Variants in CACNA1D observed in about 807,000 individuals in gnomAD.
The protein encoded by CACNA1D is voltage-dependent L-type calcium channel subunit alpha-1D.
A neutral mutation model predicts 257.1 loss-of-function variants in CACNA1D; 55 were observed. The ratio of observed to expected loss-of-function variants is 0.21; its 90% confidence interval spans 0.17 to 0.27. CACNA1D has a LOEUF of 0.27. Ranked by LOEUF, CACNA1D falls within the 10% of genes least tolerant of loss-of-function variation. The probability of loss-of-function intolerance (pLI) is 1.00; values close to 1 mark genes in which losing one functional copy is unlikely to be tolerated. For missense variants in CACNA1D, 1,876 were observed against 2,784.0 expected (o/e 0.67, Z 7.34); for synonymous variants, 980 against 1,014.9 (o/e 0.97, Z 0.65).
intron 30 of CACNA1D, chr3:53,766,328 A>G (rs1576602704): frequency 1.3e-5 from 2 of 152,342 alleles, no homozygotes; most frequent in Admixed American, 1.3e-4. Context: ...GGTTGTGGAC[A>G]CAGACCCAGC....
chr3:53,638,103 A>G (rs1042102033), intron 3 of CACNA1D, among the ~76,000 whole-genome samples: 1 of 152,216 alleles, frequency 6.6e-6, no homozygotes. Flanking sequence ...AGTTTCTCTG[A>G]TGAGATGAGT....
At chr3:53,559,242 A>G (rs1400841156) in intron 3 of CACNA1D, among the ~76,000 whole-genome samples, 4 of 152,154 alleles carry the variant, frequency 2.6e-5, no homozygotes, top group African/African-American at 9.7e-5. Context: ...TTTTAAGAGT[A>G]TTTAGCCTTA....
In CACNA1D at chr3:53,735,411, A is replaced by G. The variant is rs1366252476; in HGVS notation, c.2659A>G (p.Ile887Val). The change falls in exon 20 of 48, where the codon ATC becomes GTC. Residue 887 changes from isoleucine (I) to valine (V), a missense_variant. By Grantham distance (29) the Ile-to-Val change is conservative. Around this residue, in one of 10 missense-constraint regions of CACNA1D, gnomAD observed 271 missense variants for 425.5 expected, o/e 0.64. Coordinates refer to ENST00000350061, the MANE Select transcript of CACNA1D (RefSeq NM_001128840.3). ...VGCHKLINHH[I>V]FTNLILVFIM... ...CTGCCACAAGCTCATCAACCACCAC[A>G]TCTTCACCAACCTCATCCTTGTCTT... is the stretch of plus-strand genomic sequence containing the variant. 3.7e-6 allele frequency: 6 copies of G among 1,614,040 alleles called. No homozygotes were observed. The highest frequency in any genetic ancestry group is 1.7e-5 in the Admixed American group (1 of 60,022).
At chr3:53,604,859 G>A (rs138060240) in intron 3 of CACNA1D, among the ~76,000 whole-genome samples, 323 of 152,266 alleles carry the variant, frequency 2.1e-3, no homozygotes, top group African/African-American at 7.4e-3. Flanking sequence ...GTAAGAGGAT[G>A]GACATTCCTA....
chr3:53,509,988 C>T (rs141411805), intron 3 of CACNA1D, among the ~76,000 whole-genome samples: 5 of 152,190 alleles, frequency 3.3e-5, no homozygotes, highest in South Asian at 4.1e-4. Flanking sequence ...CCTTCCAGCC[C>T]GCTGCTGTGG....
rs753287714 is a variant in CACNA1D at position 53,500,253 on chromosome 3, T to TG, written c.378-1362_378-1361insG. Among the ~76,000 whole-genome samples the TG allele has an allele frequency of 3.3e-3, 135 of 40,948 alleles. 2 individuals are homozygous for TG. Among genetic ancestry groups the TG allele is most frequent in the African/African-American group, 0.013 (132 of 10,268 alleles). The allele number at this position is 40,948 out of a possible 152,430, so 26.9% of individuals were successfully genotyped here. On this transcript the variant is annotated intron_variant, in intron 2 of 47. Transcript: ENST00000350061. ...AACATGGCAAAACCCCTGTCTCTAC[T>TG]AAAAAAAAAAAAAAAAAAAAAAAAA... is the stretch of plus-strand genomic sequence containing the variant.
intron 9 of CACNA1D, among the ~76,000 whole-genome samples, chr3:53,714,093 G>A (rs1054522562): frequency 5.3e-5 from 8 of 151,990 alleles, no homozygotes; most frequent in Non-Finnish European, 1.2e-4. Flanking sequence ...CAGACTCACT[G>A]AAAGTAGTTT....
At chr3:53,586,421 A>G (rs2093218677) in intron 3 of CACNA1D, among the ~76,000 whole-genome samples, 1 of 149,048 alleles carries the variant, frequency 6.7e-6, no homozygotes, top group Non-Finnish European at 1.5e-5. Flanking sequence ...ATTCTCTTCG[A>G]GGTAACAAGT....
intron 32 of CACNA1D, among the ~76,000 whole-genome samples, chr3:53,770,998 C>T (rs2095363229): frequency 2.0e-5 from 3 of 152,208 alleles, no homozygotes; most frequent in African/African-American, 7.2e-5. Flanking sequence ...TGGGCCAGTG[C>T]ACTATCACTG....
chr3:53,626,790 C>G (rs1374123733), intron 3 of CACNA1D, among the ~76,000 whole-genome samples: 1 of 152,168 alleles, frequency 6.6e-6, no homozygotes. Context: ...TGTTTCCAAT[C>G]TCTGCTTTTA....
Position 53,740,267 on chromosome 3 carries a change from T to C in CACNA1D, c.2752-13T>C, listed in dbSNP as rs375436277. On this transcript the variant is annotated splice_polypyrimidine_tract_variant and intron_variant, in intron 20 of 47. Transcript: ENST00000350061. ...GAATTCCTTTTCTCACTCCCACATG[T>C]TGTGCCTTGCAGATACTGGGTTACT... 133 of 1,596,528 alleles carry C rather than the reference T, an allele frequency of 8.3e-5. No individual in the cohort carries two copies. Among genetic ancestry groups the C allele is most frequent in the Non-Finnish European group, 1.1e-4 (131 of 1,164,030 alleles).
intron 5 of CACNA1D, among the ~76,000 whole-genome samples, chr3:53,664,083 A>G (rs1229273077): frequency 1.3e-5 from 2 of 152,138 alleles, no homozygotes; most frequent in African/African-American, 2.4e-5. Flanking sequence ...ATCATTTCTC[A>G]TGTGCCTGTC....
chr3:53,648,188 C>CT (rs891404988), intron 3 of CACNA1D, among the ~76,000 whole-genome samples: 71 of 149,184 alleles, frequency 4.8e-4, no homozygotes, highest in South Asian at 2.1e-3. Flanking sequence ...GCAGCAAAAG[C>CT]TTTTTTTTTT....
At chr3:53,759,517 C>T (rs1344917788) in intron 29 of CACNA1D, among the ~76,000 whole-genome samples, 1 of 152,258 alleles carries the variant, frequency 6.6e-6, no homozygotes, top group Non-Finnish European at 1.5e-5. Context: ...TGGGTCTCCT[C>T]CGCCTTGTCA....
chr3:53,749,068 G>T (rs1314102075), intron 26 of CACNA1D, 200 bp from the exon 27 acceptor site: 2 of 697,326 alleles, frequency 2.9e-6, no homozygotes, highest in Non-Finnish European at 5.2e-6. Flanking sequence ...ATGATATCCT[G>T]GGTGCCCCCT....
At chr3:53,555,686 C>G (rs2092632127) in intron 3 of CACNA1D, among the ~76,000 whole-genome samples, 1 of 151,932 alleles carries the variant, frequency 6.6e-6, no homozygotes, top group Non-Finnish European at 1.5e-5. Context: ...TGCGCCTGAC[C>G]TTTTGGGAAG....
chr3:53,670,836 T>G (rs1393252999), intron 7 of CACNA1D, among the ~76,000 whole-genome samples: 2 of 152,228 alleles, frequency 1.3e-5, no homozygotes, highest in African/African-American at 4.8e-5. Context: ...GTCTCTATTT[T>G]CACGTGGGTA....
chr3:53,777,528 T>C (rs1226534754), intron 37 of CACNA1D, among the ~76,000 whole-genome samples: 1 of 152,050 alleles, frequency 6.6e-6, no homozygotes, highest in Non-Finnish European at 1.5e-5. Flanking sequence ...GAGCAGTCGC[T>C]TGGAGATCCA....
At chr3:53,507,091 A>AAC (rs1365031153) in intron 3 of CACNA1D, among the ~76,000 whole-genome samples, 1 of 150,974 alleles carries the variant, frequency 6.6e-6, no homozygotes, top group East Asian at 2.0e-4. Context: ...AAAAAAAAAA[A>AAC]AACAAAAAAA....
Sources: gnomAD v4.1 joint callset for allele counts (sites outside exome capture counted in the v4.1 genomes callset) on GRCh38, gnomAD v4.1.1 for gene constraint, gnomAD v4.1.1 regional missense constraint, MANE v1.5 for transcripts, NCBI Gene and HGNC (gene_info 2026-07-23, HGNC 2026-07-21) for gene names.